AIG1: variants seen among roughly 807,000 people sequenced by gnomAD.
AIG1 encodes the protein androgen induced 1.
A neutral mutation model predicts 31.4 loss-of-function variants in AIG1; 23 were observed. The ratio of observed to expected loss-of-function variants is 0.73; its 90% confidence interval spans 0.53 to 1.04. The LOEUF is 1.04. AIG1 is among the 50% of genes least tolerant of loss of function. The pLI, the probability that AIG1 is intolerant of heterozygous loss-of-function variation, is 0.00. For synonymous variants in AIG1, 100 were observed against 110.5 expected, an observed-to-expected ratio of 0.90 and a Z score of 0.60; for missense variants, 274 against 295.0, an observed-to-expected ratio of 0.93 and a Z score of 0.52.
At chr6:143,124,074 G>A (rs761633375) in intron 1 of AIG1, among the ~76,000 whole-genome samples, 1 of 152,174 alleles carries the variant, frequency 6.6e-6, no homozygotes, top group Non-Finnish European at 1.5e-5. Flanking sequence ...TGTCAGCAAT[G>A]CTACTAAAAA....
In AIG1 at chr6:143,334,724, A is replaced by C. The variant is rs191300457; in HGVS notation, c.679+1279A>C. On this transcript the variant is annotated intron_variant, in intron 5 of 5. Coordinates refer to ENST00000357847, the MANE Select transcript of AIG1 (RefSeq NM_016108.4). This position sits in a 1 kb window ranked among gnomAD's most constrained non-coding sequence, Gnocchi z 5.1. ...TGAGAACAAAATATAAACCTTTCTC[A>C]GCTTCTTGGAAGAAAAACTGTATTT... Among the ~76,000 whole-genome samples the C allele has an allele frequency of 1.3e-5, 2 of 152,336 alleles. No individual in the cohort carries two copies. The highest frequency in any genetic ancestry group is 4.8e-5 in the African/African-American group (2 of 41,574).
chr6:143,190,883 T>C (rs1212505260), intron 3 of AIG1, among the ~76,000 whole-genome samples: 4 of 152,198 alleles, frequency 2.6e-5, no homozygotes, highest in Non-Finnish European at 2.9e-5. Flanking sequence ...TTCCATGCCA[T>C]TGAAGTTGCA....
intron 4 of AIG1, among the ~76,000 whole-genome samples, chr6:143,303,275 G>T (rs1411294953): frequency 6.6e-6 from 1 of 151,394 alleles, no homozygotes; most frequent in African/African-American, 2.4e-5. Context: ...ATTGCTTTTG[G>T]TGTTTTAGAC....
chr6:143,211,389 AC>A (rs1791576452), intron 3 of AIG1, among the ~76,000 whole-genome samples: 1 of 152,160 alleles, frequency 6.6e-6, no homozygotes, highest in Non-Finnish European at 1.5e-5. Context: ...TATGAAGGAG[AC>A]ATGGACCACA....
intron 3 of AIG1, among the ~76,000 whole-genome samples, chr6:143,218,064 T>C (rs1792172925): frequency 6.6e-6 from 1 of 152,264 alleles, no homozygotes; most frequent in South Asian, 2.1e-4. Context: ...GTGTTGCTAA[T>C]TGCATCGTCT....
intron 4 of AIG1, among the ~76,000 whole-genome samples, chr6:143,287,520 G>A (rs1797766674): frequency 6.6e-6 from 1 of 152,118 alleles, no homozygotes; most frequent in Non-Finnish European, 1.5e-5. Flanking sequence ...TGTGTGAAGA[G>A]TAACTCTATG....
chr6:143,302,183 ATTTT>A (rs1253842367), intron 4 of AIG1, among the ~76,000 whole-genome samples: 2 of 151,398 alleles, frequency 1.3e-5, no homozygotes, highest in African/African-American at 4.8e-5. Context: ...TAACACTTTT[ATTTT>A]TTTATTTTTT....
chr6:143,296,095 A>G (rs972363862), intron 4 of AIG1, among the ~76,000 whole-genome samples: 1 of 151,744 alleles, frequency 6.6e-6, no homozygotes, highest in Admixed American at 6.6e-5. Flanking sequence ...ATACACACAC[A>G]CCCCTACCTC....
intron 3 of AIG1, among the ~76,000 whole-genome samples, chr6:143,180,331 A>T (rs1788605978): frequency 6.6e-6 from 1 of 152,240 alleles, no homozygotes; most frequent in Admixed American, 6.5e-5. Context: ...CATATTTGAG[A>T]TAGAAGAAGG....
Position 143,291,370 on chromosome 6 carries a change from A to G in AIG1, c.515+7145A>G, listed in dbSNP as rs967522607. 6.6e-6 allele frequency among the ~76,000 whole-genome samples: 1 copy of G among 152,154 alleles called. No homozygotes were observed. Among genetic ancestry groups the G allele is most frequent in the African/African-American group, 2.4e-5 (1 of 41,428 alleles). ...GGGTGTGCTGCCCTGGACAGGAGCC[A>G]GGGGGTGTTAAAGAGGTCTAGCTGG... On this transcript the variant is annotated intron_variant, in intron 4 of 5. Transcript: ENST00000357847. The surrounding 1 kb of genome is among the most constrained non-coding windows in gnomAD (Gnocchi z 4.2).
At position 143,325,544 on chromosome 6, in the gene AIG1, C is replaced by T. The variant is rs1228032940; in HGVS notation, c.516-7738C>T. ...TTCAAACAGGCTCCCTTACAGCATT[C>T]CCTCTCTCAGGAAATGGCAGCTGTT... On this transcript the variant is annotated intron_variant, in intron 4 of 5. Coordinates refer to ENST00000357847, the MANE Select transcript of AIG1 (RefSeq NM_016108.4). The surrounding 1 kb of genome is among the most constrained non-coding windows in gnomAD (Gnocchi z 4.3). 6.6e-6 allele frequency among the ~76,000 whole-genome samples: 1 copy of T among 152,168 alleles called. No homozygotes were observed. The highest frequency in any genetic ancestry group is 2.4e-5 in the African/African-American group (1 of 41,436).
chr6:143,290,347 G>A (rs1378638026), intron 4 of AIG1, among the ~76,000 whole-genome samples: 4 of 152,240 alleles, frequency 2.6e-5, no homozygotes, highest in African/African-American at 9.6e-5. Flanking sequence ...ATGTGTTGGC[G>A]TGCTTCCGGG....
chr6:143,211,762 A>G (rs1330981535), intron 3 of AIG1, among the ~76,000 whole-genome samples: 2 of 152,042 alleles, frequency 1.3e-5, no homozygotes, highest in Admixed American at 1.3e-4. Flanking sequence ...ATGTGGTGGC[A>G]CACGCTTGTA....
intron 1 of AIG1, among the ~76,000 whole-genome samples, chr6:143,073,581 TGA>T (rs1320981697): frequency 6.6e-6 from 1 of 152,214 alleles, no homozygotes; most frequent in Non-Finnish European, 1.5e-5. Flanking sequence ...CTAATGGGTG[TGA>T]GATGGTATCT....
At chr6:143,119,544 C>T (rs1019216799) in intron 1 of AIG1, among the ~76,000 whole-genome samples, 6 of 152,312 alleles carry the variant, frequency 3.9e-5, no homozygotes, top group South Asian at 2.1e-4. Context: ...CCAGTGGCAG[C>T]GTGGGCCTTA....
intron 1 of AIG1, among the ~76,000 whole-genome samples, chr6:143,121,952 A>G (rs1035953577): frequency 1.3e-5 from 2 of 152,314 alleles, no homozygotes; most frequent in Middle Eastern, 3.4e-3. Flanking sequence ...AACAAAGCAC[A>G]GTTTAGTTTT....
intron 1 of AIG1, among the ~76,000 whole-genome samples, chr6:143,116,993 C>G (rs974928494): frequency 1.2e-4 from 18 of 152,180 alleles, no homozygotes; most frequent in African/African-American, 4.1e-4. Flanking sequence ...ATCTCTGTTT[C>G]GCCATTCCCG....
At chr6:143,096,244 C>G (rs778649661) in intron 1 of AIG1, among the ~76,000 whole-genome samples, 5 of 152,116 alleles carry the variant, frequency 3.3e-5, no homozygotes, top group Non-Finnish European at 5.9e-5. Flanking sequence ...GTTAAAGTTA[C>G]AGAGAAATAA....
chr6:143,217,814 C>T lies in AIG1; in HGVS notation c.399+52631C>T, dbSNP rs180884713. On this transcript the variant is annotated intron_variant, in intron 3 of 5. Transcript: ENST00000357847. ...GTAAGCCACCACACCCGACCACTTT[C>T]CACATAGTTTTGATTACTTAGGATA... Among the ~76,000 whole-genome samples, 70 of 152,300 alleles carry T rather than the reference C, an allele frequency of 4.6e-4. 1 individual carries two copies. In the South Asian group the frequency reaches 0.012, roughly 26 times the overall value.
Sources: allele counts gnomAD v4.1 joint callset (sites outside exome capture counted in the v4.1 genomes callset), GRCh38; gene constraint gnomAD v4.1.1; non-coding constraint Gnocchi (gnomAD v3.1); transcripts MANE v1.5; gene names NCBI Gene and HGNC (gene_info 2026-07-23, HGNC 2026-07-21).